CDK8: variants seen among roughly 807,000 people sequenced by gnomAD.
CDK8 encodes the protein cyclin-dependent kinase 8.
In CDK8, 29 loss-of-function variants were observed where a neutral mutation model predicts 71.5. The ratio of observed to expected loss-of-function variants is 0.41; its 90% confidence interval spans 0.30 to 0.55. The LOEUF is 0.55. Ranked by LOEUF, CDK8 falls within the 20% of genes least tolerant of loss-of-function variation. The pLI is 0.37. For synonymous variants in CDK8, 161 were observed against 192.1 expected (o/e 0.84, Z 1.34); for missense variants, 288 against 572.6 (o/e 0.50, Z 5.07).
intron 6 of CDK8, among the ~76,000 whole-genome samples, chr13:26,392,666 T>G (rs1875805935): frequency 6.6e-6 from 1 of 152,166 alleles, no homozygotes. Flanking sequence ...TTGCTTTTGC[T>G]TCCTGTCCTT....
At chr13:26,357,712 T>C (rs1873952632) in intron 4 of CDK8, among the ~76,000 whole-genome samples, 1 of 152,150 alleles carries the variant, frequency 6.6e-6, no homozygotes, top group Non-Finnish European at 1.5e-5. Context: ...GCTTGGTAAA[T>C]CCAAAATCTG....
intron 1 of CDK8, among the ~76,000 whole-genome samples, chr13:26,262,294 G>T (rs985392630): frequency 2.0e-5 from 3 of 152,170 alleles, no homozygotes; most frequent in African/African-American, 7.2e-5. Context: ...GAATGTTTAT[G>T]GGTTAAAATT....
intron 1 of CDK8, among the ~76,000 whole-genome samples, chr13:26,312,575 A>G (rs967306962): frequency 1.3e-5 from 2 of 152,104 alleles, no homozygotes; most frequent in Non-Finnish European, 2.9e-5. Context: ...CTCCGGAAGG[A>G]AGAAACTCCA....
At position 26,298,172 on chromosome 13, in the gene CDK8, C is replaced by T. The variant is rs190363278; in HGVS notation, c.129-39395C>T. On this transcript the variant is annotated intron_variant, in intron 1 of 12. Transcript: ENST00000381527. Reference sequence around the variant, plus strand: ...AGGGATACAAATATTTGGTCTGTAACATTATGAGTTCTTGGCAAGCAGTGC... The same window carrying T: ...AGGGATACAAATATTTGGTCTGTAATATTATGAGTTCTTGGCAAGCAGTGC... Among the ~76,000 whole-genome samples, 24 of 152,212 alleles carry T rather than the reference C, an allele frequency of 1.6e-4. No individual in the cohort carries two copies. In the East Asian group the frequency reaches 4.6e-3, roughly 29 times the overall value.
chr13:26,332,777 T>A (rs1377558247), intron 1 of CDK8, among the ~76,000 whole-genome samples: 2 of 152,172 alleles, frequency 1.3e-5, no homozygotes, highest in African/African-American at 4.8e-5. Context: ...TAAGTATTTT[T>A]ATCAAATTTC....
chr13:26,390,967 C>T (rs541591672), intron 6 of CDK8, among the ~76,000 whole-genome samples: 12 of 144,260 alleles, frequency 8.3e-5, no homozygotes, highest in African/African-American at 3.1e-4. Flanking sequence ...GGCAGGTGAA[C>T]ACTAAAGAGA....
rs143061663 is a variant in CDK8 at position 26,280,420 on chromosome 13, G to A, written c.128+25651G>A. ...TGCATAGATGGAGGCACTGGCAACC[G>A]GAGAGGTCCCAGGGCTGCATAACAC... On this transcript the variant is annotated intron_variant, in intron 1 of 12. Transcript: ENST00000381527. 6.8e-3 allele frequency among the ~76,000 whole-genome samples: 1,030 copies of A among 152,314 alleles called. 8 individuals carry two copies. Among genetic ancestry groups the A allele is most frequent in the Middle Eastern group, 0.024 (7 of 294 alleles).
chr13:26,290,915 G>T (rs1873266306), intron 1 of CDK8, among the ~76,000 whole-genome samples: 1 of 151,968 alleles, frequency 6.6e-6, no homozygotes, highest in Middle Eastern at 3.2e-3. Flanking sequence ...AAGAGTTTGA[G>T]ACCAGCCTGG....
At chr13:26,371,410 T>C (rs1874677954) in intron 4 of CDK8, among the ~76,000 whole-genome samples, 1 of 152,166 alleles carries the variant, frequency 6.6e-6, no homozygotes, top group Admixed American at 6.5e-5. Flanking sequence ...CCTCAATATT[T>C]AGGGGGAGAA....
intron 1 of CDK8, among the ~76,000 whole-genome samples, chr13:26,297,777 A>G (rs1593247389): frequency 6.6e-6 from 1 of 152,196 alleles, no homozygotes; most frequent in Admixed American, 6.5e-5. Context: ...CATGTGTCTT[A>G]CTTAGTTTGG....
intron 3 of CDK8, 135 bp from the exon 4 acceptor site, chr13:26,353,605 C>G: frequency 1.4e-6 from 1 of 698,894 alleles, no homozygotes; most frequent in Non-Finnish European, 2.3e-6. Flanking sequence ...TTATGTTATT[C>G]AGCAGAGTAC....
intron 6 of CDK8, among the ~76,000 whole-genome samples, chr13:26,389,216 G>C (rs376902562): frequency 1.3e-4 from 20 of 152,262 alleles, no homozygotes; most frequent in African/African-American, 3.4e-4. Flanking sequence ...AGGCTGGAGT[G>C]CAGTGGTGCA....
intron 4 of CDK8, among the ~76,000 whole-genome samples, chr13:26,361,052 G>A (rs1291963192): frequency 6.6e-6 from 1 of 152,012 alleles, no homozygotes; most frequent in African/African-American, 2.4e-5. Flanking sequence ...AAACCTATTT[G>A]CTGACCCTTT....
At chr13:26,330,093 A>G (rs991855637) in intron 1 of CDK8, among the ~76,000 whole-genome samples, 1 of 152,192 alleles carries the variant, frequency 6.6e-6, no homozygotes, top group Non-Finnish European at 1.5e-5. Flanking sequence ...CATTTGTTAC[A>G]TGTATATAAT....
intron 1 of CDK8, among the ~76,000 whole-genome samples, chr13:26,285,586 C>T (rs1872970888): frequency 6.6e-6 from 1 of 152,192 alleles, no homozygotes; most frequent in South Asian, 2.1e-4. Context: ...TGGAACAAGA[C>T]AAGGATGCTC....
chr13:26,373,580 A>G (rs753554155), intron 4 of CDK8, among the ~76,000 whole-genome samples: 10 of 152,210 alleles, frequency 6.6e-5, no homozygotes, highest in Non-Finnish European at 1.0e-4. Context: ...ATGTCTAACA[A>G]CTAGAGAATA....
At chr13:26,363,950 G>C (rs1338351162) in intron 4 of CDK8, among the ~76,000 whole-genome samples, 4 of 152,116 alleles carry the variant, frequency 2.6e-5, no homozygotes, top group Non-Finnish European at 5.9e-5. Context: ...GAGTGACAAA[G>C]TGAAAAAACA....
intron 2 of CDK8, among the ~76,000 whole-genome samples, chr13:26,343,933 G>A (rs1873353806): frequency 6.6e-6 from 1 of 151,882 alleles, no homozygotes; most frequent in Non-Finnish European, 1.5e-5. Context: ...GGGCACATGT[G>A]TAGGTTTGTT....
At chr13:26,256,183 T>C (rs888712229) in intron 1 of CDK8, among the ~76,000 whole-genome samples, 4 of 152,314 alleles carry the variant, frequency 2.6e-5, no homozygotes, top group Admixed American at 1.3e-4. Context: ...AAGTACTTTT[T>C]AGCGGAATGG....
Sources: gnomAD v4.1 joint callset for allele counts (sites outside exome capture counted in the v4.1 genomes callset) on GRCh38, gnomAD v4.1.1 for gene constraint, MANE v1.5 for transcripts, NCBI Gene and HGNC (gene_info 2026-07-23, HGNC 2026-07-21) for gene names.